The following KANSL2 variants were observed in gnomAD, a reference collection of about 807,000 sequenced individuals.
The protein encoded by KANSL2 is KAT8 regulatory NSL complex subunit 2, also known as NSL complex protein NSL2.
KANSL2 carries 34 observed loss-of-function variants against 55.6 expected under a neutral mutation model. The ratio of observed to expected loss-of-function variants is 0.61; its 90% confidence interval spans 0.46 to 0.81. KANSL2 has a LOEUF of 0.81. KANSL2 is among the 40% of genes least tolerant of loss of function. The probability of loss-of-function intolerance (pLI) is 0.00; values close to 1 mark genes in which losing one functional copy is unlikely to be tolerated. For synonymous variants in KANSL2, 209 were observed against 214.3 expected (o/e 0.98, Z 0.22); for missense variants, 502 against 609.9 (o/e 0.82, Z 1.86).
rs1939632674 is a variant in KANSL2, at chr12:48,667,872, A to G, written c.877-83T>C. The G allele has an allele frequency of 4.0e-6, 4 of 1,011,916 alleles. No individual in the cohort carries two copies. The Admixed American group carries it at 5.6e-5, about 14-fold the overall frequency. 62.7% of individuals were successfully genotyped at this position (1,011,916 alleles called of 1,614,324 possible). A position where few individuals can be genotyped will look rare whatever the true frequency, so the allele number is the denominator to read the frequency against. On this transcript the variant is annotated intron_variant, in intron 6 of 9. Transcript: ENST00000420613. Reference sequence around the variant, plus strand: ...ATGAAAATAGTTATATAAGAAAAGCACATCCTAAAGGCTAGAAATTCAACA... The same window carrying G: ...ATGAAAATAGTTATATAAGAAAAGCGCATCCTAAAGGCTAGAAATTCAACA...
intron 7 of KANSL2, among the ~76,000 whole-genome samples, chr12:48,664,277 C>T (rs1285884008): frequency 3.9e-5 from 4 of 102,802 alleles, no homozygotes; most frequent in Non-Finnish European, 6.2e-5. Context: ...ATGTTTTAAG[C>T]AATTTTTTTT....
At chr12:48,667,467 T>A (rs534179301) in intron 7 of KANSL2, 1 of 651,244 alleles carries the variant, frequency 1.5e-6, no homozygotes, top group African/African-American at 1.8e-5. Flanking sequence ...TCATGTTTCT[T>A]TCTAATGAAT....
chr12:48,661,089 T>C (rs1009978675), intron 7 of KANSL2: 4 of 285,042 alleles, frequency 1.4e-5, no homozygotes, highest in African/African-American at 9.2e-5. Context: ...TTTCCAAAGA[T>C]GATTACATGA....
intron 2 of KANSL2, chr12:48,681,087 C>G: frequency 4.8e-6 from 1 of 209,524 alleles, no homozygotes; most frequent in Non-Finnish European, 9.3e-6. Context: ...TTGAGACCGG[C>G]CTGGTCAAAA....
intron 7 of KANSL2, chr12:48,661,290 A>AG (rs1252231297): frequency 2.7e-6 from 2 of 746,880 alleles, no homozygotes. Flanking sequence ...TTGAAAAAAA[A>AG]AAGTATTCTA....
At chr12:48,681,729 C>A (rs764640964) in intron 1 of KANSL2, 88 bp from the exon 2 acceptor site, 1 of 1,542,104 alleles carries the variant, frequency 6.5e-7, no homozygotes, top group South Asian at 1.1e-5. Context: ...TTCCAAAGGA[C>A]ATGCAGAAGT....
At chr12:48,674,257 C>G (rs1027482304) in intron 4 of KANSL2, among the ~76,000 whole-genome samples, 1 of 152,204 alleles carries the variant, frequency 6.6e-6, no homozygotes, top group African/African-American at 2.4e-5. Context: ...TCTCGTGCCT[C>G]AGCCTCCACA....
intron 8 of KANSL2, among the ~76,000 whole-genome samples, chr12:48,659,844 T>C (rs950442577): frequency 6.6e-6 from 1 of 152,202 alleles, no homozygotes; most frequent in African/African-American, 2.4e-5. Flanking sequence ...ATACATATTA[T>C]AGTATGGATA....
At chr12:48,669,865 G>C (rs1459998972) in intron 5 of KANSL2, among the ~76,000 whole-genome samples, 3 of 152,084 alleles carry the variant, frequency 2.0e-5, no homozygotes, top group Non-Finnish European at 4.4e-5. Context: ...CACATTTGTG[G>C]TGATGCTGGT....
chr12:48,664,300 A>G (rs998921581), intron 7 of KANSL2, among the ~76,000 whole-genome samples: 1 of 147,744 alleles, frequency 6.8e-6, no homozygotes, highest in Non-Finnish European at 1.5e-5. Context: ...TTTTTGACAC[A>G]GAGTCTCACA....
At chr12:48,663,881 T>C (rs967937114) in intron 7 of KANSL2, among the ~76,000 whole-genome samples, 2 of 151,832 alleles carry the variant, frequency 1.3e-5, no homozygotes, top group Admixed American at 1.3e-4. Flanking sequence ...CAACTGTATT[T>C]ATAGTGAAGA....
Position 48,679,665 on chromosome 12 carries a change from G to A in KANSL2, c.420C>T (p.Ser140=). The A allele has an allele frequency of 6.2e-7, 1 of 1,613,112 alleles. No homozygotes were observed. The highest frequency in any genetic ancestry group is 8.5e-7 in the Non-Finnish European group (1 of 1,179,544). ...QTPESSRSEA[S]RILDEDSWSD... ...AGAGAAGGTCCTTACCTAGTATTCG[G>A]CTGGCTTCACTGCGACTACTTTCTG... The change falls in exon 3 of 10, where the codon AGC becomes AGT. Residue 140 remains serine (S), a synonymous_variant. Transcript: ENST00000420613.
intron 8 of KANSL2, among the ~76,000 whole-genome samples, chr12:48,656,995 T>A (rs1185400991): frequency 6.6e-6 from 1 of 152,348 alleles, no homozygotes; most frequent in Non-Finnish European, 1.5e-5. Flanking sequence ...TCTAAGAATT[T>A]GCAATCCTTT....
chr12:48,669,694 T>C (rs1008994253), intron 5 of KANSL2, among the ~76,000 whole-genome samples: 1 of 151,882 alleles, frequency 6.6e-6, no homozygotes, highest in Admixed American at 6.6e-5. Context: ...ATTTTTTTTT[T>C]GTATTTTTAG....
chr12:48,680,562 CT>C (rs533950888), intron 2 of KANSL2, among the ~76,000 whole-genome samples: 92 of 152,202 alleles, frequency 6.0e-4, no homozygotes, highest in Non-Finnish European at 1.2e-3. Context: ...GCATGGATAC[CT>C]TTGCATACAT....
At chr12:48,667,861 A>G (rs1173597459) in intron 6 of KANSL2, 72 bp from the exon 7 acceptor site, 6 of 1,118,822 alleles carry the variant, frequency 5.4e-6, no homozygotes, top group South Asian at 2.6e-5. Context: ...AAATAGTTAT[A>G]TAAGAAAAGC....
At chr12:48,669,433 G>C (rs1056999974) in intron 5 of KANSL2, among the ~76,000 whole-genome samples, 161 bp from the exon 6 acceptor site, 1 of 152,116 alleles carries the variant, frequency 6.6e-6, no homozygotes, top group Non-Finnish European at 1.5e-5. Flanking sequence ...TCTAATTATA[G>C]TCATGCACTA....
At chr12:48,672,900 A>G (rs887326745) in intron 4 of KANSL2, among the ~76,000 whole-genome samples, 2 of 151,976 alleles carry the variant, frequency 1.3e-5, no homozygotes, top group African/African-American at 4.8e-5. Context: ...CTGGCATTAC[A>G]GGCACCTACC....
intron 3 of KANSL2, 105 bp from the exon 4 acceptor site, chr12:48,679,255 C>CAA (rs750975141): frequency 2.7e-6 from 2 of 753,242 alleles, no homozygotes; most frequent in Non-Finnish European, 2.2e-6. Context: ...ATTTTAAAAA[C>CAA]AAAACAAAAA....
Sources: allele counts gnomAD v4.1 joint callset (sites outside exome capture counted in the v4.1 genomes callset), GRCh38; gene constraint gnomAD v4.1.1; transcripts MANE v1.5; gene names NCBI Gene and HGNC (gene_info 2026-07-23, HGNC 2026-07-21).